The following SRFBP1 variants were observed in gnomAD, a reference collection of about 807,000 sequenced individuals.
SRFBP1 encodes the protein serum response factor binding protein 1.
Under a neutral mutation model 45.5 loss-of-function variants are expected in SRFBP1, and 47 were observed. The ratio of observed to expected loss-of-function variants is 1.03; its 90% CI spans 0.82 to 1.32. The LOEUF (loss-of-function observed/expected upper bound fraction) is 1.32. Among genes scored for constraint, SRFBP1 ranks in the 40% most tolerant of loss-of-function variants. The pLI, the probability that SRFBP1 is intolerant of heterozygous loss-of-function variation, is 0.00. For missense variants in SRFBP1, 621 were observed against 484.6 expected (o/e 1.28, Z -2.64); for synonymous variants, 203 against 166.3 (o/e 1.22, Z -1.70).
At chr5:122,030,763 A>G (rs537558305), downstream of SRFBP1, among the ~76,000 whole-genome samples, 31 of 152,152 alleles carry the variant, frequency 2.0e-4, 1 homozygote, top group Middle Eastern at 6.8e-3. Context: ...CTTTTTTTCT[A>G]TTACTCTTTT....
At chr5:121,982,021 A>G (rs1222501402) in intron 3 of SRFBP1, among the ~76,000 whole-genome samples, 6 of 151,804 alleles carry the variant, frequency 4.0e-5, no homozygotes, top group Admixed American at 6.6e-5. Context: ...CTGAGTCTCT[A>G]AAGATAAATG....
At chr5:121,963,538 A>G (rs930751363) in intron 1 of SRFBP1, among the ~76,000 whole-genome samples, 1 of 152,122 alleles carries the variant, frequency 6.6e-6, no homozygotes, top group African/African-American at 2.4e-5. Flanking sequence ...ACACTTAGCT[A>G]ACTTTTGTTC....
At chr5:122,015,751 C>G (rs968993941) in intron 4 of SRFBP1, among the ~76,000 whole-genome samples, 1 of 152,138 alleles carries the variant, frequency 6.6e-6, no homozygotes, top group Non-Finnish European at 1.5e-5. Context: ...TCTATTATTC[C>G]TTTCCTGCTT....
chr5:122,071,219 G>A lies in SRFBP1; in HGVS notation n.312-4096G>A, dbSNP rs540840314. 4.0e-4 allele frequency among the ~76,000 whole-genome samples: 57 copies of A among 144,182 alleles called. 3 individuals are homozygous for A. The South Asian group carries it at 8.7e-3, about 22-fold the overall frequency. The allele number at this position is 144,182 out of a possible 152,430, so 94.6% of individuals were successfully genotyped here. A position where few individuals can be genotyped will look rare whatever the true frequency, so the allele number is the denominator to read the frequency against. On this transcript the variant is annotated intron_variant and non_coding_transcript_variant, in intron 2 of 2. Transcript: ENST00000504881. ...TGTGTGTGTGTGTGTGTGTGTGTGTGTATAAAAATTCAATTTTCACAACTA... is the reference window on the plus strand; with the variant it reads ...TGTGTGTGTGTGTGTGTGTGTGTGTATATAAAAATTCAATTTTCACAACTA...
At chr5:121,990,814 C>T (rs1456108263) in intron 3 of SRFBP1, among the ~76,000 whole-genome samples, 2 of 152,142 alleles carry the variant, frequency 1.3e-5, no homozygotes, top group Non-Finnish European at 2.9e-5. Context: ...TTTCTTTTGA[C>T]TACATGTCTT....
intron 2 of SRFBP1, among the ~76,000 whole-genome samples, chr5:122,047,009 T>C (rs908272693): frequency 6.6e-6 from 1 of 152,210 alleles, no homozygotes; most frequent in African/African-American, 2.4e-5. Flanking sequence ...CTGTTCACTC[T>C]GATGGTAGTT....
intron 4 of SRFBP1, among the ~76,000 whole-genome samples, chr5:121,999,585 C>G (rs531794459): frequency 1.2e-4 from 18 of 151,908 alleles, no homozygotes; most frequent in African/African-American, 4.1e-4. Flanking sequence ...GATCTTTCAG[C>G]TTTGTCACTT....
At chr5:121,996,098 G>C (rs1387573558) in intron 4 of SRFBP1, among the ~76,000 whole-genome samples, 1 of 148,914 alleles carries the variant, frequency 6.7e-6, no homozygotes, top group South Asian at 2.1e-4. Flanking sequence ...GGAGGAACTG[G>C]TACCATTCCT....
chr5:121,974,997 T>C (rs956695142), intron 2 of SRFBP1, among the ~76,000 whole-genome samples: 1 of 151,964 alleles, frequency 6.6e-6, no homozygotes, highest in African/African-American at 2.4e-5. Context: ...ACATTTATAT[T>C]ACATTAAATA....
In SRFBP1 at chr5:122,020,448, G is replaced by A. The variant is rs756976586; in HGVS notation, c.713G>A (p.Gly238Glu). ...CTAAGTCAAACCAAAAAAAACAAAGGATCTGATAGCTCACTCTCTGGTAAC... is the reference window on the plus strand; with the variant it reads ...CTAAGTCAAACCAAAAAAAACAAAGAATCTGATAGCTCACTCTCTGGTAAC... The part of the protein sequence containing the change: ...KTLSQTKKNK[G>E]SDSSLSGNSD... Residue 238 changes from glycine (G) to glutamate (E), a missense_variant, in exon 6 of 8, where the codon GGA becomes GAA. Coordinates refer to ENST00000339397, the MANE Select transcript of SRFBP1 (RefSeq NM_152546.3). 6.2e-7 allele frequency: 1 copy of A among 1,614,058 alleles called. No homozygotes were observed. Among genetic ancestry groups the A allele is most frequent in the African/African-American group, 1.3e-5 (1 of 75,026 alleles).
In SRFBP1 at chr5:122,022,424, G is replaced by A. The variant is rs1452464368; in HGVS notation, c.1105+17G>A. ...GATCCCTAGGTATGTATTCATAGTT[G>A]CCTGACCTTCATATGCAATTAAGCT... is the stretch of plus-strand genomic sequence containing the variant. On this transcript the variant is annotated intron_variant, in intron 7 of 7. Transcript: ENST00000339397. The A allele has an allele frequency of 2.5e-6, 4 of 1,603,050 alleles. No individual in the cohort carries two copies. Among genetic ancestry groups the A allele is most frequent in the Non-Finnish European group, 3.4e-6 (4 of 1,175,778 alleles).
intron 2 of SRFBP1, among the ~76,000 whole-genome samples, chr5:122,056,793 G>C (rs1754087284): frequency 6.6e-6 from 1 of 152,192 alleles, no homozygotes; most frequent in African/African-American, 2.4e-5. Flanking sequence ...AGCACCTTCA[G>C]AGATAGAAAG....
Position 121,980,258 on chromosome 5 carries a change from A to G in SRFBP1, c.198+4871A>G, listed in dbSNP as rs139747329. Among the ~76,000 whole-genome samples the G allele has an allele frequency of 2.8e-3, 425 of 150,140 alleles. 1 individual carries two copies. Among genetic ancestry groups the G allele is most frequent in the Non-Finnish European group, 4.0e-3 (265 of 66,438 alleles). ...CAAACCTATAGAAAATTGTAATACT[A>G]TAATATAATAATAGTGTTTTGTATC... On this transcript the variant is annotated intron_variant, in intron 3 of 7. Transcript: ENST00000339397.
rs769089466 is a variant in SRFBP1, at chr5:122,027,027, G to A, written c.1191G>A (p.Gln397=). 19 of 1,612,672 alleles carry A rather than the reference G, an allele frequency of 1.2e-5. No individual in the cohort carries two copies. The African/African-American group carries it at 2.1e-4, about 18-fold the overall frequency. ...TTGAAAATACAAAACAGCAATTGCA[G>A]CTGCCTCTTCATCCTTCATGGGAAG... ...GRLENTKQQL[Q]LPLHPSWEAS... is the part of the protein sequence containing the mutation. The change falls in exon 8 of 8, where the codon CAG becomes CAA. Residue 397 remains glutamine (Q), a synonymous_variant. Transcript: ENST00000339397.
chr5:121,981,403 C>T (rs1047980215), intron 3 of SRFBP1, among the ~76,000 whole-genome samples: 4 of 152,006 alleles, frequency 2.6e-5, no homozygotes, highest in South Asian at 2.1e-4. Context: ...CCTCTGGTCT[C>T]GCCTTCAAAT....
chr5:121,989,055 A>ATTTG (rs140803937), intron 3 of SRFBP1, among the ~76,000 whole-genome samples: 42 of 151,134 alleles, frequency 2.8e-4, no homozygotes, highest in East Asian at 3.9e-4. Flanking sequence ...AGATATTGGA[A>ATTTG]TTTGTTTGTT....
chr5:121,977,603 C>T (rs932670023), intron 3 of SRFBP1, among the ~76,000 whole-genome samples: 2 of 152,186 alleles, frequency 1.3e-5, no homozygotes, highest in Middle Eastern at 3.4e-3. Context: ...ACAAAACAAA[C>T]TCTCAATCTC....
intron 2 of SRFBP1, among the ~76,000 whole-genome samples, chr5:122,043,564 TC>T (rs2112733217): frequency 6.6e-6 from 1 of 152,300 alleles, no homozygotes; most frequent in African/African-American, 2.4e-5. Flanking sequence ...CAGCTCTCAG[TC>T]ACATTGTCAT....
intron 4 of SRFBP1, among the ~76,000 whole-genome samples, chr5:122,013,997 T>A (rs1330578414): frequency 4.0e-5 from 6 of 151,846 alleles, no homozygotes; most frequent in Non-Finnish European, 5.9e-5. Flanking sequence ...TGACTACAGT[T>A]AATATATTTC....
Sources: allele counts gnomAD v4.1 joint callset (sites outside exome capture counted in the v4.1 genomes callset), GRCh38; gene constraint gnomAD v4.1.1; transcripts MANE v1.5; gene names NCBI Gene and HGNC (gene_info 2026-07-23, HGNC 2026-07-21).